ASIC2: variants seen among roughly 807,000 people sequenced by gnomAD.
ASIC2 encodes acid-sensing ion channel 2.
A neutral mutation model predicts 57.3 loss-of-function variants in ASIC2; 25 were observed. That is an observed-to-expected ratio of 0.44 (90% CI 0.32 to 0.61). The LOEUF is 0.61. Among genes scored for constraint, ASIC2 ranks in the 20% least tolerant of loss-of-function variants. The probability of loss-of-function intolerance (pLI) is 0.06; values close to 1 mark genes in which losing one functional copy is unlikely to be tolerated. For synonymous variants in ASIC2, 319 were observed against 307.5 expected, an observed-to-expected ratio of 1.04 and a Z score of -0.39; for missense variants, 641 against 738.1, an observed-to-expected ratio of 0.87 and a Z score of 1.52.
intron 1 of ASIC2, among the ~76,000 whole-genome samples, chr17:33,202,055 GA>G (rs1401349320): frequency 2.1e-5 from 3 of 146,296 alleles, no homozygotes; most frequent in Non-Finnish European, 3.0e-5. Context: ...AAAGAAAAAA[GA>G]AAAAAAAAGG....
At chr17:33,190,831 T>TA (rs149748137) in intron 1 of ASIC2, among the ~76,000 whole-genome samples, 13,053 of 152,116 alleles carry the variant, frequency 0.086, 746 homozygotes, top group Non-Finnish European at 0.12. Flanking sequence ...ATCCCAAGGG[T>TA]CAGGGAAGAT....
At chr17:33,415,244 G>A (rs1769507338) in intron 1 of ASIC2, among the ~76,000 whole-genome samples, 1 of 152,070 alleles carries the variant, frequency 6.6e-6, no homozygotes, top group Admixed American at 6.5e-5. Flanking sequence ...GACACCTCAG[G>A]GACATCAAAA....
rs781677454 is a variant in ASIC2 at position 33,291,848 on chromosome 17, C to T, written c.268G>A (p.Val90Met). 2 of 1,605,942 alleles carry T rather than the reference C, an allele frequency of 1.2e-6. No homozygotes were observed. The highest frequency in any genetic ancestry group is 2.7e-5 in the African/African-American group (2 of 74,868). ...GGSFQRRALW[V>M]LAFCTSFGLL... ...CCGAAGGATGTACAGAAGGCCAGCA[C>T]CCACAGCGCCCGCCGCTGGAAGGAG... The change falls in exon 1 of 10, where the codon GTG (valine) becomes ATG (methionine). Residue 90 changes from valine to methionine, a missense_variant. By Grantham distance (21) the Val-to-Met change is conservative. This residue lies in a region of ASIC2 where 382 missense variants were observed against 398.0 expected (regional missense o/e 0.96). Coordinates refer to ENST00000225823, the MANE Select transcript of ASIC2 (RefSeq NM_183377.2).
intron 1 of ASIC2, among the ~76,000 whole-genome samples, chr17:33,390,691 T>C (rs888747752): frequency 1.3e-5 from 2 of 152,190 alleles, no homozygotes; most frequent in African/African-American, 4.8e-5. Flanking sequence ...CCTCTGCCGC[T>C]AGGACCTCTC....
chr17:33,813,932 G>A (rs994911798), intron 1 of ASIC2, among the ~76,000 whole-genome samples: 3 of 152,122 alleles, frequency 2.0e-5, no homozygotes, highest in African/African-American at 7.2e-5. Context: ...ACAGTGGAGG[G>A]AGAATGAGGA....
chr17:33,985,573 C>A (rs1397830254), intron 1 of ASIC2, among the ~76,000 whole-genome samples: 2 of 152,140 alleles, frequency 1.3e-5, no homozygotes, highest in Non-Finnish European at 1.5e-5. Flanking sequence ...TTGGGACAGA[C>A]AACATTAAGT....
intron 1 of ASIC2, among the ~76,000 whole-genome samples, chr17:33,524,539 A>G (rs563901888): frequency 3.0e-4 from 45 of 152,258 alleles, no homozygotes; most frequent in Admixed American, 4.6e-4. Context: ...GGTGAAGTGT[A>G]GACTCATTCG....
chr17:34,132,592 T>G (rs62054887), intron 1 of ASIC2, among the ~76,000 whole-genome samples: 15,560 of 81,456 alleles, frequency 0.19, 858 homozygotes, highest in Non-Finnish European at 0.26. Flanking sequence ...GAGTGCTGAT[T>G]GGTGCGTTTT....
chr17:33,039,450 T>C (rs1041695058), intron 3 of ASIC2, among the ~76,000 whole-genome samples: 6 of 152,152 alleles, frequency 3.9e-5, no homozygotes, highest in Admixed American at 2.0e-4. Flanking sequence ...TAAGCTGGCT[T>C]TGAATCTTGG....
At chr17:33,257,204 G>C (rs191313143) in intron 1 of ASIC2, among the ~76,000 whole-genome samples, 6 of 152,334 alleles carry the variant, frequency 3.9e-5, no homozygotes, top group Non-Finnish European at 2.9e-5. Context: ...ACCGTGGGCA[G>C]CAGCCAGGTA....
chr17:34,082,886 C>T (rs1246743070), intron 1 of ASIC2, among the ~76,000 whole-genome samples: 1 of 152,204 alleles, frequency 6.6e-6, no homozygotes, highest in Non-Finnish European at 1.5e-5. Context: ...CCTTCTTCTG[C>T]TTCATTTCTT....
Position 34,156,192 on chromosome 17 carries a change from AG to A in ASIC2, c.340del (p.Leu114TrpfsTer51). The A allele has an allele frequency of 1.9e-6, 3 of 1,614,150 alleles. No homozygotes were observed. Among genetic ancestry groups the A allele is most frequent in the Non-Finnish European group, 2.5e-6 (3 of 1,180,000 alleles). On this transcript the variant is annotated frameshift_variant, in exon 1 of 10. Coordinates refer to the ASIC2 transcript ENST00000359872. LOFTEE classifies it high-confidence loss of function. The surrounding 1 kb of genome is among the most constrained non-coding windows in gnomAD (Gnocchi z 4.4). ...CTGCAGGTTGACATCCAGCAGGGCC[AG>A]CAGCTCCCCAGCATGGTACAGGTCA...
In ASIC2 at chr17:33,659,599, G is replaced by C. The variant is rs190571354; in HGVS notation, c.555+496379C>G. Among the ~76,000 whole-genome samples, 44 of 152,218 alleles carry C rather than the reference G, an allele frequency of 2.9e-4. No homozygotes were observed. The East Asian group carries it at 5.8e-3, about 20-fold the overall frequency. On this transcript the variant is annotated intron_variant, in intron 1 of 9. Transcript: ENST00000359872. The stretch of plus-strand genomic sequence containing the variant: ...AAAAATGATACACCTGGCGGGGCGC[G>C]GTGGCTCACGCCTGTAATCCCAGCT...
intron 1 of ASIC2, among the ~76,000 whole-genome samples, chr17:33,751,009 C>A (rs1014673442): frequency 2.6e-5 from 4 of 152,036 alleles, no homozygotes; most frequent in African/African-American, 9.7e-5. Context: ...TGAAAGGGGG[C>A]CCCTTTTGTT....
chr17:33,392,006 A>G (rs919332494), intron 1 of ASIC2, among the ~76,000 whole-genome samples: 3 of 151,924 alleles, frequency 2.0e-5, no homozygotes, highest in Non-Finnish European at 4.4e-5. Flanking sequence ...TCTCCCCAAA[A>G]CCGCTCCTCT....
intron 1 of ASIC2, among the ~76,000 whole-genome samples, chr17:34,090,533 A>G (rs1170164889): frequency 6.6e-6 from 1 of 152,180 alleles, no homozygotes; most frequent in Non-Finnish European, 1.5e-5. Context: ...GGAACCAATT[A>G]TTCAGCCTTC....
intron 1 of ASIC2, among the ~76,000 whole-genome samples, chr17:33,183,333 G>T (rs1405849950): frequency 6.6e-6 from 1 of 152,180 alleles, no homozygotes; most frequent in Non-Finnish European, 1.5e-5. Context: ...AGATATAAAA[G>T]AGTGCAAATA....
At chr17:33,865,909 T>A (rs1914226628) in intron 1 of ASIC2, among the ~76,000 whole-genome samples, 1 of 152,158 alleles carries the variant, frequency 6.6e-6, no homozygotes, top group South Asian at 2.1e-4. Context: ...TACTTCTTCC[T>A]AATCACTATT....
At chr17:33,938,030 CTTTAAG>C (rs1366371123) in intron 1 of ASIC2, among the ~76,000 whole-genome samples, 10 of 152,158 alleles carry the variant, frequency 6.6e-5, no homozygotes, top group African/African-American at 2.4e-4. Flanking sequence ...CAGTGAGAGC[CTTTAAG>C]TTTATTTCCT....
Sources: allele counts gnomAD v4.1 joint callset (sites outside exome capture counted in the v4.1 genomes callset), GRCh38; gene constraint gnomAD v4.1.1; regional missense constraint gnomAD v4.1.1; non-coding constraint Gnocchi (gnomAD v3.1); transcripts MANE v1.5; gene names NCBI Gene and HGNC (gene_info 2026-07-23, HGNC 2026-07-21).